Variants in PDE8A observed in about 807,000 individuals in gnomAD.
PDE8A encodes phosphodiesterase 8A.
PDE8A carries 59 observed loss-of-function variants against 105.0 expected under a neutral mutation model. The observed-to-expected ratio is 0.56, with a 90% CI of 0.46 to 0.70. The LOEUF is 0.70. Among genes scored for constraint, PDE8A ranks in the 30% least tolerant of loss-of-function variants. The pLI, the probability that PDE8A is intolerant of heterozygous loss-of-function variation, is 0.00. For missense variants in PDE8A, 1,014 were observed against 1,045.9 expected (o/e 0.97, Z 0.42); for synonymous variants, 355 against 371.9 (o/e 0.95, Z 0.52).
chr15:85,019,132 G>T (rs890587679), intron 1 of PDE8A, among the ~76,000 whole-genome samples: 1 of 152,126 alleles, frequency 6.6e-6, no homozygotes, highest in Non-Finnish European at 1.5e-5. Context: ...AACTTGCTGG[G>T]GTAAAAGGTT....
In PDE8A at chr15:85,117,688, G is replaced by C. The variant is rs757416548; in HGVS notation, c.1583G>C (p.Cys528Ser). Residue 528 changes from cysteine (C) to serine (S), a missense_variant, in exon 17 of 22, where the codon TGT (cysteine) becomes TCT (serine). Transcript: ENST00000394553. Reference sequence around the variant, plus strand: ...AAAATGTTTGCTCGCTTTGGAATCTGTGAATTCTTACACTGCTCCGAGTCA... The same window carrying C: ...AAAATGTTTGCTCGCTTTGGAATCTCTGAATTCTTACACTGCTCCGAGTCA... ...GLKMFARFGI[C>S]EFLHCSESTL... The C allele has an allele frequency of 1.2e-6, 2 of 1,614,114 alleles. No individual in the cohort carries two copies. The highest frequency in any genetic ancestry group is 1.7e-5 in the Admixed American group (1 of 60,024).
At chr15:85,003,268 T>C (rs1377559799) in intron 1 of PDE8A, among the ~76,000 whole-genome samples, 1 of 152,240 alleles carries the variant, frequency 6.6e-6, no homozygotes, top group Non-Finnish European at 1.5e-5. Flanking sequence ...TTCCTTGGGC[T>C]ACTTTTTGCT....
intron 8 of PDE8A, among the ~76,000 whole-genome samples, chr15:85,094,680 C>T (rs2081711586): frequency 1.3e-5 from 2 of 152,290 alleles, no homozygotes; most frequent in South Asian, 4.1e-4. Context: ...CCCTTCCTCC[C>T]CGTTGGTCCC....
intron 15 of PDE8A, 190 bp downstream of exon 15, chr15:85,115,677 C>T: frequency 3.7e-6 from 2 of 545,082 alleles, no homozygotes; most frequent in Non-Finnish European, 6.4e-6. Flanking sequence ...GGAGCGGTGG[C>T]TCACACCGCC....
At chr15:85,090,928 C>T (rs2081632772) in intron 7 of PDE8A, 116 bp from the exon 8 acceptor site, 3 of 827,470 alleles carry the variant, frequency 3.6e-6, no homozygotes, top group Admixed American at 2.5e-5. Context: ...GAGGTCCAGG[C>T]TCCTGAGCTT....
chr15:85,030,507 G>A (rs1228048631), intron 1 of PDE8A, among the ~76,000 whole-genome samples: 1 of 152,116 alleles, frequency 6.6e-6, no homozygotes, highest in Non-Finnish European at 1.5e-5. Flanking sequence ...TAGTTTTATT[G>A]TTTTTACCTG....
chr15:85,092,462 T>C (rs2081662160), intron 8 of PDE8A, among the ~76,000 whole-genome samples: 1 of 152,048 alleles, frequency 6.6e-6, no homozygotes, highest in African/African-American at 2.4e-5. Flanking sequence ...CAAGTATTCC[T>C]TTCCATGGTT....
chr15:85,111,981 T>C (rs993640603), intron 12 of PDE8A, among the ~76,000 whole-genome samples: 10 of 152,238 alleles, frequency 6.6e-5, no homozygotes, highest in African/African-American at 2.4e-4. Context: ...TTGCTTATTG[T>C]ATATAGTTAT....
At chr15:85,043,698 T>TTGTC (rs1463117696) in intron 1 of PDE8A, among the ~76,000 whole-genome samples, 9 of 151,354 alleles carry the variant, frequency 5.9e-5, no homozygotes, top group African/African-American at 2.2e-4. Context: ...GTTTGTTTGT[T>TTGTC]TGTTTGTTTG....
Position 85,138,809 on chromosome 15 carries a change from A to G in PDE8A, c.*906A>G, listed in dbSNP as rs905358640. 1 of 152,260 alleles carries G rather than the reference A, an allele frequency of 6.6e-6. No individual in the cohort carries two copies. Among genetic ancestry groups the G allele is most frequent in the Non-Finnish European group, 1.5e-5 (1 of 68,044 alleles). The allele number at this position is 152,260 out of a possible 1,614,324, so 9.4% of individuals were successfully genotyped here. ...TCTTGTTGGTTCGCAAAGAAAAGTT[A>G]GGACTTAACACTTTTTTCTAAAATT... On this transcript the variant is annotated 3_prime_UTR_variant, in exon 22 of 22. Transcript: ENST00000394553.
At chr15:85,103,637 C>G (rs772801314) in intron 11 of PDE8A, among the ~76,000 whole-genome samples, 1 of 152,170 alleles carries the variant, frequency 6.6e-6, no homozygotes, top group Non-Finnish European at 1.5e-5. Flanking sequence ...GACAACAAAG[C>G]TCTAGAACTA....
In PDE8A at chr15:85,091,126, A is replaced by T. The variant is rs760417379; in HGVS notation, c.797A>T (p.Asn266Ile). ...IGKELGEVPI[N>I]EKKADLLDTI... ...AAGGAGTTAGGAGAAGTGCCTATAA[A>T]TGAAAAAAAGGCTGACTTGCTCGAT... Residue 266 changes from asparagine (N) to isoleucine (I), a missense_variant, in exon 8 of 22, where the codon AAT (asparagine) becomes ATT (isoleucine). Physicochemically the swap from Asn to Ile is moderately radical, Grantham distance 149. Coordinates refer to ENST00000394553, the MANE Select transcript of PDE8A (RefSeq NM_002605.3). The T allele has an allele frequency of 6.2e-7, 1 of 1,613,570 alleles. No individual in the cohort carries two copies. Among genetic ancestry groups the T allele is most frequent in the Non-Finnish European group, 8.5e-7 (1 of 1,179,654 alleles).
chr15:84,984,904 T>C (rs1258386636), intron 1 of PDE8A, among the ~76,000 whole-genome samples: 1 of 151,182 alleles, frequency 6.6e-6, no homozygotes, highest in Non-Finnish European at 1.5e-5. Flanking sequence ...GTAAATATAA[T>C]GCAGATATTC....
At chr15:85,114,946 TGAG>T (rs1236351078) in intron 14 of PDE8A, among the ~76,000 whole-genome samples, 2 of 151,840 alleles carry the variant, frequency 1.3e-5, no homozygotes, top group Non-Finnish European at 2.9e-5. Context: ...GAAGCAGTGG[TGAG>T]GAGCCCAGGA....
Position 85,098,020 on chromosome 15 carries a change from G to C in PDE8A, c.925G>C (p.Val309Leu). 1.3e-6 allele frequency: 2 copies of C among 1,592,400 alleles called. No individual in the cohort carries two copies. The highest frequency in any genetic ancestry group is 1.7e-6 in the Non-Finnish European group (2 of 1,160,580). Residue 309 changes from valine to leucine, a missense_variant, in exon 9 of 22, where the codon GTC becomes CTC. Physicochemically the swap from Val to Leu is conservative, Grantham distance 32. Transcript: ENST00000394553. ...NIQQNVKIIP[V>L]IGQGGKIRHY... ...ACAACAAAATGTGAAGATAATACCT[G>C]TCATTGGACAGGGAGGGTAAGTGGA...
At chr15:84,982,794 CTT>C (rs1285297212) in intron 1 of PDE8A, among the ~76,000 whole-genome samples, 2 of 152,368 alleles carry the variant, frequency 1.3e-5, no homozygotes, top group East Asian at 1.9e-4. Context: ...CCTCACCACT[CTT>C]TTCCCTCTGT....
rs749605495 is a variant in PDE8A, at chr15:84,982,296, C to T, written c.134C>T (p.Thr45Ile). The change falls in exon 1 of 22, where the codon ACC becomes ATC. Residue 45 changes from threonine to isoleucine, a missense_variant. Thr to Ile is a moderately conservative substitution (Grantham distance 89). Coordinates refer to ENST00000394553, the MANE Select transcript of PDE8A (RefSeq NM_002605.3). ...CAGAAGACGGCCGCCTTGCCCCGGA[C>T]CCGCGGCGCCGGCCTCTTGGAGTCG... ...QGQKTAALPR[T>I]RGAGLLESEL... 6 of 1,377,330 alleles carry T rather than the reference C, an allele frequency of 4.4e-6. No homozygotes were observed. The highest frequency in any genetic ancestry group is 4.6e-6 in the Non-Finnish European group (5 of 1,075,898). The allele number at this position is 1,377,330 out of a possible 1,614,324, so 85.3% of individuals were successfully genotyped here.
chr15:85,097,669 C>A, intron 8 of PDE8A: 1 of 311,888 alleles, frequency 3.2e-6, no homozygotes, highest in Non-Finnish European at 5.8e-6. Flanking sequence ...GGGGAGTGCC[C>A]TTTATTTGGG....
chr15:85,040,486 C>G (rs1248708196), intron 1 of PDE8A, among the ~76,000 whole-genome samples: 1 of 151,176 alleles, frequency 6.6e-6, no homozygotes, highest in Admixed American at 6.6e-5. Flanking sequence ...CTCTAGGCAC[C>G]TGTTCTAGTG....
Sources: gnomAD v4.1 joint callset for allele counts (sites outside exome capture counted in the v4.1 genomes callset) on GRCh38, gnomAD v4.1.1 for gene constraint, MANE v1.5 for transcripts, NCBI Gene and HGNC (gene_info 2026-07-23, HGNC 2026-07-21) for gene names.